Variants in HS6ST3 observed in about 807,000 individuals in gnomAD.
HS6ST3 encodes the protein heparan-sulfate 6-O-sulfotransferase 3.
Under a neutral mutation model 36.7 loss-of-function variants are expected in HS6ST3, and 12 were observed. That is an observed-to-expected ratio of 0.33 (90% CI 0.21 to 0.53). The LOEUF is 0.53. Among genes scored for constraint, HS6ST3 ranks in the 20% least tolerant of loss-of-function variants. The pLI, the probability that HS6ST3 is intolerant of heterozygous loss-of-function variation, is 0.95. For synonymous variants in HS6ST3, 240 were observed against 257.5 expected, an observed-to-expected ratio of 0.93 and a Z score of 0.65; for missense variants, 584 against 640.9, an observed-to-expected ratio of 0.91 and a Z score of 0.96.
intron 1 of HS6ST3, among the ~76,000 whole-genome samples, chr13:96,631,436 G>T (rs1463094797): frequency 6.6e-6 from 1 of 152,194 alleles, no homozygotes; most frequent in African/African-American, 2.4e-5. Context: ...TCAAAAGATT[G>T]TTAACAGAAG....
At chr13:96,155,242 G>A (rs1382203644) in intron 1 of HS6ST3, among the ~76,000 whole-genome samples, 2 of 152,020 alleles carry the variant, frequency 1.3e-5, no homozygotes, top group African/African-American at 4.8e-5. Flanking sequence ...AATAATAGTA[G>A]TGATTACCTA....
rs137960889 is a variant in HS6ST3, at chr13:96,649,649, A to G, written c.708-182841A>G. Among the ~76,000 whole-genome samples, 187 of 152,124 alleles carry G rather than the reference A, an allele frequency of 1.2e-3. 1 individual carries two copies. The highest frequency in any genetic ancestry group is 6.8e-3 in the Middle Eastern group (2 of 294). The stretch of plus-strand genomic sequence containing the variant: ...CCACTTCCTCCACCTCCATTACTGT[A>G]TCCTGATGGGACTATCATCATCTCC... On this transcript the variant is annotated intron_variant, in intron 1 of 1. Transcript: ENST00000376705.
intron 1 of HS6ST3, among the ~76,000 whole-genome samples, chr13:96,349,862 A>G (rs1197991679): frequency 6.6e-6 from 1 of 152,198 alleles, no homozygotes; most frequent in Non-Finnish European, 1.5e-5. Flanking sequence ...GTAAATGTTG[A>G]CTGCAGTTCT....
intron 1 of HS6ST3, among the ~76,000 whole-genome samples, chr13:96,320,868 C>T (rs2054999740): frequency 6.6e-6 from 1 of 152,218 alleles, no homozygotes; most frequent in South Asian, 2.1e-4. Context: ...GACACTCCTG[C>T]TTCTGTGTCA....
intron 1 of HS6ST3, among the ~76,000 whole-genome samples, chr13:96,446,056 C>T (rs896227672): frequency 8.6e-5 from 13 of 151,566 alleles, no homozygotes; most frequent in African/African-American, 3.2e-4. Context: ...GCCTGTAGTC[C>T]CAGCTGCTGG....
chr13:96,640,362 T>C (rs548243919), intron 1 of HS6ST3, among the ~76,000 whole-genome samples: 1 of 152,208 alleles, frequency 6.6e-6, no homozygotes, highest in East Asian at 1.9e-4. Flanking sequence ...CTTATATGTC[T>C]TCTTTTGAGA....
At chr13:96,321,326 G>A (rs896996488) in intron 1 of HS6ST3, among the ~76,000 whole-genome samples, 4 of 152,016 alleles carry the variant, frequency 2.6e-5, no homozygotes, top group Non-Finnish European at 5.9e-5. Flanking sequence ...CAGCACTGTC[G>A]TAATTTCTGG....
chr13:96,688,813 G>A (rs640905), intron 1 of HS6ST3, among the ~76,000 whole-genome samples: 149,880 of 152,156 alleles, frequency 0.99, 73,857 homozygotes, highest in Middle Eastern at 1. Context: ...AGTGTGGTTA[G>A]AGTACACCGT....
intron 1 of HS6ST3, among the ~76,000 whole-genome samples, chr13:96,240,983 T>C (rs1443217553): frequency 6.6e-6 from 1 of 152,194 alleles, no homozygotes; most frequent in Non-Finnish European, 1.5e-5. Context: ...TCAATTGGCC[T>C]GATATATGCC....
chr13:96,480,820 A>C (rs1043228435), intron 1 of HS6ST3, among the ~76,000 whole-genome samples: 1 of 152,188 alleles, frequency 6.6e-6, no homozygotes, highest in African/African-American at 2.4e-5. Flanking sequence ...TGTGTGGACT[A>C]TCCTACATTG....
chr13:96,308,876 C>T (rs2054926718), intron 1 of HS6ST3, among the ~76,000 whole-genome samples: 1 of 152,048 alleles, frequency 6.6e-6, no homozygotes. Context: ...CACATGTTGA[C>T]TGAAGAGAGT....
At chr13:96,757,910 T>C (rs1344571195) in intron 1 of HS6ST3, among the ~76,000 whole-genome samples, 2 of 152,082 alleles carry the variant, frequency 1.3e-5, no homozygotes, top group Non-Finnish European at 2.9e-5. Context: ...AAATATTAAT[T>C]TGAATTTTTC....
intron 1 of HS6ST3, among the ~76,000 whole-genome samples, chr13:96,381,544 G>A (rs1354223602): frequency 6.6e-6 from 1 of 152,064 alleles, no homozygotes; most frequent in East Asian, 1.9e-4. Context: ...CAATCTCATT[G>A]TCTGTGAAAT....
intron 1 of HS6ST3, among the ~76,000 whole-genome samples, chr13:96,160,216 T>C (rs1048830471): frequency 6.6e-6 from 1 of 152,166 alleles, no homozygotes; most frequent in Non-Finnish European, 1.5e-5. Flanking sequence ...ATGGTAGAAA[T>C]TAATATACAC....
At chr13:96,445,832 C>T (rs1036193630) in intron 1 of HS6ST3, among the ~76,000 whole-genome samples, 2 of 151,874 alleles carry the variant, frequency 1.3e-5, no homozygotes, top group African/African-American at 4.8e-5. Flanking sequence ...CATACCACTG[C>T]ACTCCAGCCT....
chr13:96,098,497 T>C (rs990565601), intron 1 of HS6ST3, among the ~76,000 whole-genome samples: 2 of 152,084 alleles, frequency 1.3e-5, no homozygotes, highest in Non-Finnish European at 2.9e-5. Context: ...AAGTGCTTGA[T>C]TTGTGACCGT....
chr13:96,345,759 G>C (rs113140396), intron 1 of HS6ST3, among the ~76,000 whole-genome samples: 1 of 152,160 alleles, frequency 6.6e-6, no homozygotes, highest in Non-Finnish European at 1.5e-5. Flanking sequence ...CAATATTTTG[G>C]CTTCCCTGGA....
chr13:96,104,514 TAATTCCTAGAGTTAGTA>T (rs1173227664), intron 1 of HS6ST3, among the ~76,000 whole-genome samples: 3 of 152,254 alleles, frequency 2.0e-5, no homozygotes, highest in Admixed American at 6.5e-5. Context: ...TAGGGTTAGC[TAATTCCTAGAGTTAGTA>T]AATGACTCAC....
At chr13:96,588,858 TG>T (rs2056371938) in intron 1 of HS6ST3, among the ~76,000 whole-genome samples, 1 of 151,894 alleles carries the variant, frequency 6.6e-6, no homozygotes, top group Admixed American at 6.6e-5. Flanking sequence ...GAGACCAGCC[TG>T]GCCAACATAG....
Sources: allele counts gnomAD v4.1 joint callset (sites outside exome capture counted in the v4.1 genomes callset), GRCh38; gene constraint gnomAD v4.1.1; transcripts MANE v1.5; gene names NCBI Gene and HGNC (gene_info 2026-07-23, HGNC 2026-07-21).